GALNT17: variants seen among roughly 807,000 people sequenced by gnomAD.
GALNT17 encodes the protein UDP-GalNAc:polypeptide N-acetylgalactosaminyltransferase-like 3.
GALNT17 carries 29 observed loss-of-function variants against 63.7 expected under a neutral mutation model. The observed-to-expected ratio is 0.46, with a 90% CI of 0.34 to 0.62. GALNT17 has a LOEUF of 0.62. Among genes scored for constraint, GALNT17 ranks in the 20% least tolerant of loss-of-function variants. GALNT17 has a pLI of 0.01. For missense variants in GALNT17, 603 were observed against 799.6 expected (o/e 0.75, Z 2.97); for synonymous variants, 305 against 318.3 (o/e 0.96, Z 0.45).
chr7:71,390,210 TC>T (rs1481328634), intron 3 of GALNT17, among the ~76,000 whole-genome samples: 1 of 152,122 alleles, frequency 6.6e-6, no homozygotes, highest in East Asian at 1.9e-4. Context: ...TGCAAGCTGC[TC>T]CGTCGTCCGG....
intron 1 of GALNT17, among the ~76,000 whole-genome samples, chr7:71,242,783 A>G (rs1181711691): frequency 6.6e-6 from 1 of 152,172 alleles, no homozygotes; most frequent in Non-Finnish European, 1.5e-5. Context: ...AGCTGGTGTC[A>G]TTTTAGGTCT....
rs60577045 is a variant in GALNT17 at position 71,688,361 on chromosome 7, A to G, written c.1500+11055A>G. Among the ~76,000 whole-genome samples, 631 of 152,258 alleles carry G rather than the reference A, an allele frequency of 4.1e-3. 20 individuals are homozygous for G. The highest frequency in any genetic ancestry group is 0.029 in the Admixed American group (449 of 15,290). On this transcript the variant is annotated intron_variant, in intron 9 of 10. Coordinates refer to ENST00000333538, the MANE Select transcript of GALNT17 (RefSeq NM_022479.3). ...TTCCTGCCTCCTGGGCCCTGCGTCC[A>G]TCAGCCTGTGTGTACACTCCTTGCA...
intron 1 of GALNT17, among the ~76,000 whole-genome samples, chr7:71,271,834 A>G (rs1279278208): frequency 6.6e-6 from 1 of 152,100 alleles, no homozygotes; most frequent in Non-Finnish European, 1.5e-5. Flanking sequence ...ATCACAGTTC[A>G]CTGCAGCGTC....
chr7:71,634,703 G>A (rs906619544), intron 6 of GALNT17, among the ~76,000 whole-genome samples: 2 of 149,088 alleles, frequency 1.3e-5, no homozygotes, highest in Non-Finnish European at 3.0e-5. Context: ...GCAGTGAGCC[G>A]AGATGGTACT....
At chr7:71,530,392 A>ATGTT (rs1479966605) in intron 5 of GALNT17, among the ~76,000 whole-genome samples, 1 of 152,188 alleles carries the variant, frequency 6.6e-6, no homozygotes, top group Non-Finnish European at 1.5e-5. Context: ...TAAAGGACGA[A>ATGTT]TGTTAGGAGA....
intron 5 of GALNT17, among the ~76,000 whole-genome samples, chr7:71,544,124 CTTTTTTTT>C (rs60144462): frequency 1.5e-5 from 2 of 132,424 alleles, no homozygotes; most frequent in Non-Finnish European, 3.2e-5. Context: ...TTTCTTTTTT[CTTTTTTTT>C]TTTTTTTTTT....
At chr7:71,679,302 G>A (rs556830522) in intron 9 of GALNT17, among the ~76,000 whole-genome samples, 35 of 152,202 alleles carry the variant, frequency 2.3e-4, no homozygotes, top group African/African-American at 8.2e-4. Flanking sequence ...GGAAGCTGAG[G>A]TGAGGGGATC....
intron 5 of GALNT17, among the ~76,000 whole-genome samples, chr7:71,428,625 G>A (rs1309522558): frequency 6.6e-6 from 1 of 152,078 alleles, no homozygotes; most frequent in African/African-American, 2.4e-5. Flanking sequence ...TTTTAGTAGA[G>A]ACGAGGTTTC....
intron 5 of GALNT17, among the ~76,000 whole-genome samples, chr7:71,554,298 G>C (rs1161845690): frequency 2.0e-5 from 3 of 152,146 alleles, no homozygotes; most frequent in African/African-American, 7.2e-5. Flanking sequence ...CGTGAGATCT[G>C]ATGGGTTTAT....
chr7:71,663,671 G>A (rs920607966), intron 6 of GALNT17, among the ~76,000 whole-genome samples: 13 of 152,160 alleles, frequency 8.5e-5, no homozygotes, highest in South Asian at 4.1e-4. Context: ...TATCTGTATC[G>A]TTTCCCTGTG....
rs768145365 is a variant in GALNT17 at position 71,556,628 on chromosome 7, C to T, written c.963-14657C>T. Among the ~76,000 whole-genome samples the T allele has an allele frequency of 3.9e-5, 6 of 152,138 alleles. No individual in the cohort carries two copies. The South Asian group carries it at 6.2e-4, about 16-fold the overall frequency. On this transcript the variant is annotated intron_variant, in intron 5 of 10. Transcript: ENST00000333538. ...GTAGAGTGCAGTGGCGCTCTGCTCT[C>T]GGCTCACTGCAGCCTCTGCCTCCTG...
intron 3 of GALNT17, among the ~76,000 whole-genome samples, chr7:71,406,385 T>C (rs1793329328): frequency 6.6e-6 from 1 of 152,110 alleles, no homozygotes; most frequent in Non-Finnish European, 1.5e-5. Flanking sequence ...TGTGTTTACA[T>C]GTCATGCATT....
chr7:71,625,338 G>A (rs1367675364), intron 6 of GALNT17, among the ~76,000 whole-genome samples: 1 of 151,994 alleles, frequency 6.6e-6, no homozygotes, highest in Non-Finnish European at 1.5e-5. Context: ...TAGAGACAGG[G>A]TTTCACTATG....
Position 71,267,678 on chromosome 7 carries a change from G to A in GALNT17, c.239-67872G>A, listed in dbSNP as rs551763508. ...CCTGCTTATTCCTTACAGCCATGGA[G>A]AACAGCAGGTTTCTTATTTTATTTT... On this transcript the variant is annotated intron_variant, in intron 1 of 10. Coordinates refer to ENST00000333538, the MANE Select transcript of GALNT17 (RefSeq NM_022479.3). Among the ~76,000 whole-genome samples the A allele has an allele frequency of 5.3e-5, 8 of 151,202 alleles. No homozygotes were observed. The East Asian group carries it at 1.5e-3, about 29-fold the overall frequency.
chr7:71,540,135 G>C (rs1360245335), intron 5 of GALNT17, among the ~76,000 whole-genome samples: 1 of 64,404 alleles, frequency 1.6e-5, no homozygotes, highest in African/African-American at 5.1e-5. Context: ...TTTTGATGGA[G>C]TCTCTCTATG....
At chr7:71,602,486 C>T (rs560452138) in intron 6 of GALNT17, among the ~76,000 whole-genome samples, 3 of 152,218 alleles carry the variant, frequency 2.0e-5, no homozygotes, top group African/African-American at 4.8e-5. Context: ...TGTAATGTGG[C>T]GTAATTGGAG....
At chr7:71,205,445 C>T (rs1195488162) in intron 1 of GALNT17, among the ~76,000 whole-genome samples, 1 of 152,114 alleles carries the variant, frequency 6.6e-6, no homozygotes, top group African/African-American at 2.4e-5. Flanking sequence ...AGCCACCGTG[C>T]CCGGCCACTT....
chr7:71,145,806 A>C (rs1477147248), intron 1 of GALNT17, among the ~76,000 whole-genome samples: 1 of 152,074 alleles, frequency 6.6e-6, no homozygotes, highest in African/African-American at 2.4e-5. Flanking sequence ...CCTGGGTTCA[A>C]ATGATTCTCC....
At chr7:71,321,863 TTCCTTTCCTTCCTTCCTTCC>T (rs1791612503) in intron 1 of GALNT17, among the ~76,000 whole-genome samples, 2 of 127,542 alleles carry the variant, frequency 1.6e-5, no homozygotes, top group Non-Finnish European at 3.2e-5. Context: ...CCTTCCTTCC[TTCCTTTCCTTCCTTCCTTCC>T]TTCCTTCCTT....
Sources: allele counts gnomAD v4.1 joint callset (sites outside exome capture counted in the v4.1 genomes callset), GRCh38; gene constraint gnomAD v4.1.1; transcripts MANE v1.5; gene names NCBI Gene and HGNC (gene_info 2026-07-23, HGNC 2026-07-21).